The following IFT140 variants were observed in gnomAD, a reference collection of about 807,000 sequenced individuals.
IFT140 encodes the protein intraflagellar transport protein 140 homolog.
IFT140 carries 133 observed loss-of-function variants against 164.6 expected under a neutral mutation model. That is an observed-to-expected ratio of 0.81 (90% CI 0.70 to 0.93). The LOEUF (loss-of-function observed/expected upper bound fraction) is 0.93, where lower values mean the gene tolerates loss of function less well. IFT140 is among the 40% of genes least tolerant of loss of function. The pLI is 0.00. For synonymous variants in IFT140, 860 were observed against 817.3 expected, an observed-to-expected ratio of 1.05 and a Z score of -0.89; for missense variants, 2,045 against 1,972.3, an observed-to-expected ratio of 1.04 and a Z score of -0.70.
chr16:1,524,402 G>T, intron 24 of IFT140, 150 bp downstream of exon 24: 1 of 1,010,194 alleles, frequency 9.9e-7, no homozygotes, highest in East Asian at 2.6e-5. Flanking sequence ...CAGAGGGGTG[G>T]GCGGGTGAGG....
rs1394178457 is a variant in IFT140 at position 1,526,322 on chromosome 16, C to T, written c.2578-245G>A. ...CAGCCCCCCTCCCACAGCCCCCCCT[C>T]CCACAGCCTCCCCAGAAGTCCCGTG... On this transcript the variant is annotated intron_variant, in intron 20 of 30. Coordinates refer to ENST00000426508, the MANE Select transcript of IFT140 (RefSeq NM_014714.4). The T allele has an allele frequency of 2.2e-5, 13 of 585,134 alleles. No homozygotes were observed. The East Asian group carries it at 3.8e-4, about 17-fold the overall frequency. The allele number at this position is 585,134 out of a possible 1,614,324, so 36.2% of individuals were successfully genotyped here. A position where few individuals can be genotyped will look rare whatever the true frequency, so the allele number is the denominator to read the frequency against.
intron 17 of IFT140, 82 bp from the exon 18 acceptor site, chr16:1,562,198 C>G: frequency 8.0e-7 from 1 of 1,247,862 alleles, no homozygotes; most frequent in South Asian, 1.7e-5. Flanking sequence ...TTTTGCTACA[C>G]ACACTGCGTC....
At chr16:1,601,727 T>C (rs574766346) in intron 4 of IFT140, among the ~76,000 whole-genome samples, 55 of 152,332 alleles carry the variant, frequency 3.6e-4, no homozygotes, top group Non-Finnish European at 7.3e-4. Flanking sequence ...GTGGTAAGAA[T>C]GCACTTGTGT....
At chr16:1,521,331 G>T (rs1242088861) in intron 26 of IFT140, among the ~76,000 whole-genome samples, 1 of 152,048 alleles carries the variant, frequency 6.6e-6, no homozygotes, top group Non-Finnish European at 1.5e-5. Flanking sequence ...CTCCCAAAGT[G>T]CTGGGATTGC....
intron 13 of IFT140, chr16:1,579,669 C>T (rs2034453790): frequency 6.6e-6 from 1 of 152,234 alleles, no homozygotes; most frequent in East Asian, 1.9e-4. Context: ...TGACTTTACT[C>T]AGAAGGGAAC....
chr16:1,602,525 T>C lies in IFT140; in HGVS notation c.214A>G (p.Thr72Ala), dbSNP rs1210721314. The C allele has an allele frequency of 6.2e-7, 1 of 1,614,018 alleles. No individual in the cohort carries two copies. The highest frequency in any genetic ancestry group is 1.7e-5 in the Admixed American group (1 of 60,000). ...FRVASLCWHPTRLVLAVGWET... is the reference protein window; with the variant it reads ...FRVASLCWHPARLVLAVGWET... ...CAGCCCACAGCCAGCACCAGCCGCG[T>C]CGGGTGCCAGCACAGGGAAGCAACC... Residue 72 changes from threonine to alanine, a missense_variant, in exon 4 of 31, where the codon ACG (threonine) becomes GCG (alanine). Thr to Ala is a moderately conservative substitution (Grantham distance 58). Coordinates refer to ENST00000426508, the MANE Select transcript of IFT140 (RefSeq NM_014714.4).
chr16:1,590,671 A>AT (rs1043061722), intron 6 of IFT140, among the ~76,000 whole-genome samples: 3 of 151,940 alleles, frequency 2.0e-5, no homozygotes, highest in African/African-American at 7.3e-5. Context: ...ACTCAGGCTC[A>AT]TTTTTGCTGC....
chr16:1,550,491 AG>A (rs949996709), intron 19 of IFT140, among the ~76,000 whole-genome samples: 2 of 152,280 alleles, frequency 1.3e-5, no homozygotes, highest in Admixed American at 1.3e-4. Flanking sequence ...ACAACAGTTC[AG>A]GAAGCAGCGT....
intron 4 of IFT140, among the ~76,000 whole-genome samples, chr16:1,600,227 G>C (rs1255891865): frequency 5.5e-5 from 8 of 145,490 alleles, no homozygotes; most frequent in South Asian, 4.6e-4. Flanking sequence ...TGCAAGATGT[G>C]CTTTGTTAAA....
intron 13 of IFT140, among the ~76,000 whole-genome samples, chr16:1,576,440 A>C (rs1245246861): frequency 6.6e-6 from 1 of 151,196 alleles, no homozygotes; most frequent in Non-Finnish European, 1.5e-5. Context: ...AAATACAAAA[A>C]AAATAGCTGG....
At chr16:1,528,347 ATGCACGCACGTGTG>A (rs2029981576) in intron 19 of IFT140, among the ~76,000 whole-genome samples, 1 of 131,252 alleles carries the variant, frequency 7.6e-6, no homozygotes, top group African/African-American at 2.6e-5. Context: ...ACACACACGC[ATGCACGCACGTGTG>A]CACACACACG....
At chr16:1,535,636 C>A (rs751589378) in intron 19 of IFT140, among the ~76,000 whole-genome samples, 47 of 152,330 alleles carry the variant, frequency 3.1e-4, no homozygotes, top group Non-Finnish European at 5.0e-4. Flanking sequence ...GCGCTCAGAA[C>A]CCTCAGCGGG....
At chr16:1,608,956 C>G (rs774022201) in intron 2 of IFT140, among the ~76,000 whole-genome samples, 2 of 152,070 alleles carry the variant, frequency 1.3e-5, no homozygotes, top group Non-Finnish European at 2.9e-5. Context: ...AAGATCGAGA[C>G]CATCCTGGAC....
rs904285860 is a variant in IFT140, at chr16:1,534,117, C to T, written c.2400-7321G>A. 23 of 858,620 alleles carry T rather than the reference C, an allele frequency of 2.7e-5. No homozygotes were observed. The East Asian group carries it at 3.8e-4, about 14-fold the overall frequency. 53.2% of individuals were successfully genotyped at this position (858,620 alleles called of 1,614,324 possible). On this transcript the variant is annotated intron_variant, in intron 19 of 30. Coordinates refer to ENST00000426508, the MANE Select transcript of IFT140 (RefSeq NM_014714.4). Reference sequence around the variant, plus strand: ...AGGAGGATAAGGCCGGGCCGAGAGGCGGCACACCTGGACCATCCCATGGGC... The same window carrying T: ...AGGAGGATAAGGCCGGGCCGAGAGGTGGCACACCTGGACCATCCCATGGGC...
At chr16:1,563,929 T>G in intron 17 of IFT140, 68 bp downstream of exon 17, 1 of 1,437,248 alleles carries the variant, frequency 7.0e-7, no homozygotes, top group Non-Finnish European at 9.3e-7. Context: ...GCCCAGCCCA[T>G]GAAGATCTTA....
chr16:1,540,242 T>A (rs1000918752), intron 19 of IFT140, among the ~76,000 whole-genome samples: 1 of 152,238 alleles, frequency 6.6e-6, no homozygotes, highest in Non-Finnish European at 1.5e-5. Context: ...TCCAGAGCTT[T>A]GAGGTTATTC....
chr16:1,592,468 C>T lies in IFT140; in HGVS notation c.490G>A (p.Glu164Lys), dbSNP rs559314300. Reference sequence around the variant, plus strand: ...TCACAGGGCAAGCCCCACACTTACTCGCCAGGAGGGGGGAGCCGGAAGATG... The same window carrying T: ...TCACAGGGCAAGCCCCACACTTACTTGCCAGGAGGGGGGAGCCGGAAGATG... ...HCIFRLPPPG[E>K]DLVQLAKAAV... Residue 164 changes from glutamate to lysine, a missense_variant and splice_region_variant, in exon 5 of 31, where the codon GAG (glutamate) becomes AAG (lysine). Transcript: ENST00000426508. The T allele has an allele frequency of 4.0e-5, 64 of 1,613,910 alleles. No homozygotes were observed. The highest frequency in any genetic ancestry group is 5.2e-5 in the Non-Finnish European group (61 of 1,179,940).
At chr16:1,537,266 C>T (rs951822180) in intron 19 of IFT140, among the ~76,000 whole-genome samples, 4 of 152,234 alleles carry the variant, frequency 2.6e-5, no homozygotes, top group Admixed American at 2.0e-4. Flanking sequence ...TCCTCACGCA[C>T]ACCAGGCCAC....
intron 6 of IFT140, among the ~76,000 whole-genome samples, chr16:1,591,308 T>C (rs1444418794): frequency 1.3e-5 from 2 of 152,234 alleles, no homozygotes; most frequent in Non-Finnish European, 2.9e-5. Context: ...CTCACAGTGC[T>C]GTGCCCACTC....
Sources: allele counts gnomAD v4.1 joint callset (sites outside exome capture counted in the v4.1 genomes callset), GRCh38; gene constraint gnomAD v4.1.1; transcripts MANE v1.5; gene names NCBI Gene and HGNC (gene_info 2026-07-23, HGNC 2026-07-21).